Variants in KCNK9 observed in about 807,000 individuals in gnomAD.
The protein encoded by KCNK9 is potassium channel subfamily K member 9.
In KCNK9, 1 loss-of-function variant was observed where a neutral mutation model predicts 10.8. That is an observed-to-expected ratio of 0.09 (90% CI 0.03 to 0.44). The LOEUF is 0.44. Among genes scored for constraint, KCNK9 ranks in the 20% least tolerant of loss-of-function variants. The pLI is 0.97. For missense variants in KCNK9, 303 were observed against 515.0 expected (o/e 0.59, Z 3.98); for synonymous variants, 231 against 222.7 (o/e 1.04, Z -0.33).
In KCNK9 at chr8:139,693,508, G is replaced by C. The variant is rs1816979027; in HGVS notation, c.283+9202C>G. Among the ~76,000 whole-genome samples, 1 of 152,112 alleles carries C rather than the reference G, an allele frequency of 6.6e-6. No homozygotes were observed. Among genetic ancestry groups the C allele is most frequent in the African/African-American group, 2.4e-5 (1 of 41,430 alleles). On this transcript the variant is annotated intron_variant, in intron 1 of 1. Transcript: ENST00000520439. The surrounding 1 kb of genome is among the most constrained non-coding windows in gnomAD (Gnocchi z 4.1). ...TGCTCTCGGGGAGCCAGGAGTACCA[G>C]CCAGTGTCCAGCCAGCCTTCCCTGA...
intron 1 of KCNK9, among the ~76,000 whole-genome samples, chr8:139,633,334 G>T (rs566907187): frequency 6.6e-6 from 1 of 152,248 alleles, no homozygotes; most frequent in Non-Finnish European, 1.5e-5. Flanking sequence ...TGCAATAAAT[G>T]TGAATGCTTG....
At chr8:139,683,419 T>C (rs1816730639) in intron 1 of KCNK9, among the ~76,000 whole-genome samples, 3 of 152,204 alleles carry the variant, frequency 2.0e-5, no homozygotes, top group Admixed American at 2.0e-4. Flanking sequence ...CCTCTTCTGA[T>C]TCTTTTATAG....
chr8:139,626,110 C>T (rs929105623), intron 1 of KCNK9, among the ~76,000 whole-genome samples: 16 of 152,138 alleles, frequency 1.1e-4, no homozygotes, highest in Non-Finnish European at 1.5e-4. Flanking sequence ...TGGGCTGTCC[C>T]CACTGGAAAA....
At chr8:139,669,630 T>G (rs1046464697) in intron 1 of KCNK9, among the ~76,000 whole-genome samples, 1 of 152,252 alleles carries the variant, frequency 6.6e-6, no homozygotes, top group African/African-American at 2.4e-5. Context: ...CCACCACATC[T>G]GTGGTTACTT....
intron 2 of KCNK9, among the ~76,000 whole-genome samples, chr8:139,606,756 G>A (rs749911426): frequency 2.0e-5 from 3 of 152,126 alleles, no homozygotes; most frequent in Admixed American, 1.3e-4. Context: ...TCTCTGTCCC[G>A]TGTCTCTGTT....
At chr8:139,619,162 A>G in intron 1 of KCNK9, 63 bp from the exon 2 acceptor site, 1 of 1,590,402 alleles carries the variant, frequency 6.3e-7, no homozygotes, top group Non-Finnish European at 8.6e-7. Flanking sequence ...GGTTGGGGGA[A>G]GGGAGGGTCG....
chr8:139,683,557 C>A (rs758981583), intron 1 of KCNK9, among the ~76,000 whole-genome samples: 1 of 152,242 alleles, frequency 6.6e-6, no homozygotes, highest in Non-Finnish European at 1.5e-5. Context: ...GGCTTACTCA[C>A]GCATGGGGAG....
At chr8:139,644,308 C>T (rs188244003) in intron 1 of KCNK9, among the ~76,000 whole-genome samples, 1 of 152,352 alleles carries the variant, frequency 6.6e-6, no homozygotes, top group Non-Finnish European at 1.5e-5. Flanking sequence ...CCAACGTCCT[C>T]AGAACATTTC....
chr8:139,624,729 G>A (rs985754359), intron 1 of KCNK9, among the ~76,000 whole-genome samples: 1 of 152,208 alleles, frequency 6.6e-6, no homozygotes, highest in African/African-American at 2.4e-5. Flanking sequence ...AGTGAAGCCA[G>A]CCCTAGAAGA....
intron 1 of KCNK9, among the ~76,000 whole-genome samples, chr8:139,687,369 TGTATA>T (rs1816815468): frequency 7.0e-6 from 1 of 143,102 alleles, no homozygotes; most frequent in Non-Finnish European, 1.5e-5. Flanking sequence ...CATATATATG[TGTATA>T]CATATATATG....
intron 1 of KCNK9, among the ~76,000 whole-genome samples, chr8:139,638,991 T>G (rs919920888): frequency 6.6e-6 from 1 of 152,020 alleles, no homozygotes; most frequent in African/African-American, 2.4e-5. Context: ...TCTCGTGCCT[T>G]TTTCCTACCC....
intron 1 of KCNK9, among the ~76,000 whole-genome samples, chr8:139,620,750 C>A (rs914551196): frequency 1.3e-5 from 2 of 152,204 alleles, no homozygotes; most frequent in African/African-American, 4.8e-5. Context: ...TGACACCCCT[C>A]TGAAACCCCT....
rs527285475 is a variant in KCNK9 at position 139,631,411 on chromosome 8, C to T, written c.284-12312G>A. Reference sequence around the variant, plus strand: ...TCTGTGGCACGGGTGAGAAAACGCCCCCTAGCCCTGCGCAAAGCACGTTGC... The same window carrying T: ...TCTGTGGCACGGGTGAGAAAACGCCTCCTAGCCCTGCGCAAAGCACGTTGC... On this transcript the variant is annotated intron_variant, in intron 1 of 1. Coordinates refer to ENST00000520439, the MANE Select transcript of KCNK9 (RefSeq NM_001282534.2). Among the ~76,000 whole-genome samples, 29 of 152,234 alleles carry T rather than the reference C, an allele frequency of 1.9e-4. No individual in the cohort carries two copies. In the South Asian group the frequency reaches 3.7e-3, roughly 20 times the overall value.
intron 1 of KCNK9, among the ~76,000 whole-genome samples, chr8:139,648,321 AGATGTTGTTTTGGAACTACACAGAGGT>A (rs1382673040): frequency 1.3e-5 from 2 of 152,188 alleles, no homozygotes; most frequent in Admixed American, 6.5e-5. Flanking sequence ...GCCGAAAATA[AGATGTTGTTTTGGAACTACACAGAGGT>A]GATGGTTGCA....
intron 2 of KCNK9, among the ~76,000 whole-genome samples, chr8:139,605,873 T>C (rs543864305): frequency 1.3e-4 from 20 of 152,356 alleles, no homozygotes; most frequent in African/African-American, 4.6e-4. Context: ...AGGTAAGCTG[T>C]GACAATAATA....
chr8:139,609,268 G>T (rs980913953), downstream of KCNK9, among the ~76,000 whole-genome samples: 2 of 25,460 alleles, frequency 7.9e-5, no homozygotes, highest in African/African-American at 3.1e-4. Context: ...CCTACCTAGC[G>T]TGAAGAGTGA....
At chr8:139,638,781 G>A (rs1294922829) in intron 1 of KCNK9, among the ~76,000 whole-genome samples, 2 of 152,302 alleles carry the variant, frequency 1.3e-5, no homozygotes, top group South Asian at 2.1e-4. Flanking sequence ...GCTGTGGGAT[G>A]GCTTCCCTGG....
rs1020249382 is a variant in KCNK9, at chr8:139,656,052, G to A, written c.284-36953C>T. Reference sequence around the variant, plus strand: ...AATCTACACTCAGCCATGAAGCTCCGGGACATTCAAACAATTCAGTACTCC... The same window carrying A: ...AATCTACACTCAGCCATGAAGCTCCAGGACATTCAAACAATTCAGTACTCC... On this transcript the variant is annotated intron_variant, in intron 1 of 1. Transcript: ENST00000520439. 4.6e-5 allele frequency among the ~76,000 whole-genome samples: 7 copies of A among 152,118 alleles called. No homozygotes were observed. In the East Asian group the frequency reaches 7.7e-4, roughly 17 times the overall value.
chr8:139,697,398 G>C (rs978607695), intron 1 of KCNK9, among the ~76,000 whole-genome samples: 4 of 151,114 alleles, frequency 2.6e-5, no homozygotes, highest in Non-Finnish European at 4.4e-5. Flanking sequence ...TAAGTGGGTG[G>C]ATGGGAGGAT....
Sources: gnomAD v4.1 joint callset for allele counts (sites outside exome capture counted in the v4.1 genomes callset) on GRCh38, gnomAD v4.1.1 for gene constraint, Gnocchi (gnomAD v3.1) non-coding constraint, MANE v1.5 for transcripts, NCBI Gene and HGNC (gene_info 2026-07-23, HGNC 2026-07-21) for gene names.